Variants in FAN1 observed in about 807,000 individuals in gnomAD.
The protein encoded by FAN1 is FANCD2 and FANCI associated nuclease 1, also known as fanconi-associated nuclease 1.
In FAN1, 91 loss-of-function variants were observed where a neutral mutation model predicts 104.9. The observed-to-expected ratio is 0.87, with a 90% CI of 0.73 to 1.03. FAN1 has a LOEUF of 1.03. Among genes scored for constraint, FAN1 ranks in the 50% least tolerant of loss-of-function variants. The pLI is 0.00. For synonymous variants in FAN1, 478 were observed against 457.6 expected (o/e 1.04, Z -0.57); for missense variants, 1,263 against 1,239.9 (o/e 1.02, Z -0.28).
intron 12 of FAN1, among the ~76,000 whole-genome samples, chr15:30,929,990 TATC>T (rs556632719): frequency 1.9e-3 from 248 of 132,104 alleles, no homozygotes; most frequent in African/African-American, 3.4e-3. Flanking sequence ...ATATATAAGA[TATC>T]ATATATAATA....
chr15:30,905,935 C>A, intron 2 of FAN1, 38 bp downstream of exon 2: 1 of 1,567,546 alleles, frequency 6.4e-7, no homozygotes, highest in Non-Finnish European at 8.7e-7. Context: ...GTTTTCATTC[C>A]CCTTTTGCTG....
intron 8 of FAN1, among the ~76,000 whole-genome samples, chr15:30,923,838 G>T (rs1438971209): frequency 2.0e-5 from 3 of 151,602 alleles, no homozygotes; most frequent in African/African-American, 7.3e-5. Flanking sequence ...TGTTTCTATT[G>T]TGGTAAAATA....
At position 30,942,902 on chromosome 15, in the gene FAN1, A is replaced by G; in HGVS notation, c.*1340A>G. 6.4e-7 allele frequency: 1 copy of G among 1,563,766 alleles called. No individual in the cohort carries two copies. The highest frequency in any genetic ancestry group is 1.3e-5 in the African/African-American group (1 of 74,126). On this transcript the variant is annotated 3_prime_UTR_variant, in exon 15 of 15. Transcript: ENST00000362065. The stretch of plus-strand genomic sequence containing the variant: ...AGCTGTGATTTACCTTTGTCCGTTT[A>G]AAAGACTTCACGGAGCCATTCTGTA...
chr15:30,915,593 A>AC (rs1359521686), intron 5 of FAN1, among the ~76,000 whole-genome samples: 2 of 152,022 alleles, frequency 1.3e-5, no homozygotes, highest in Admixed American at 6.6e-5. Flanking sequence ...ACATAATGAG[A>AC]CCCCATCTCT....
At position 30,942,032 on chromosome 15, in the gene FAN1, A is replaced by T; in HGVS notation, c.*470A>T. On this transcript the variant is annotated 3_prime_UTR_variant, in exon 15 of 15. Transcript: ENST00000362065. The stretch of plus-strand genomic sequence containing the variant: ...TTGGTCACTGATGATTCCATTCTTT[A>T]AGGCAGACGGCATTCCTCTTAGTGT... 1.9e-6 allele frequency: 3 copies of T among 1,613,962 alleles called. No homozygotes were observed. Among genetic ancestry groups the T allele is most frequent in the Non-Finnish European group, 2.5e-6 (3 of 1,179,864 alleles).
intron 13 of FAN1, among the ~76,000 whole-genome samples, chr15:30,931,481 A>T (rs138189480): frequency 2.0e-5 from 3 of 152,190 alleles, no homozygotes; most frequent in Admixed American, 6.5e-5. Flanking sequence ...TTGGTGTCAC[A>T]TGTCAGAAAT....
chr15:30,915,283 G>A (rs953501537), intron 5 of FAN1, among the ~76,000 whole-genome samples: 1 of 152,150 alleles, frequency 6.6e-6, no homozygotes, highest in African/African-American at 2.4e-5. Flanking sequence ...GTAGAATAGT[G>A]GTTACCAGAG....
At chr15:30,913,315 C>A (rs541143589) in intron 4 of FAN1, among the ~76,000 whole-genome samples, 4 of 152,146 alleles carry the variant, frequency 2.6e-5, no homozygotes, top group African/African-American at 9.7e-5. Flanking sequence ...CCTCCCTCAA[C>A]CCCAGTCCAT....
intron 14 of FAN1, chr15:30,940,276 A>ACTT: frequency 2.2e-6 from 1 of 456,838 alleles, no homozygotes; most frequent in Non-Finnish European, 2.7e-6. Flanking sequence ...GTTTGGAAAT[A>ACTT]CTTTACTTTA....
intron 10 of FAN1, 79 bp downstream of exon 10, chr15:30,926,018 G>C (rs2062453997): frequency 7.1e-7 from 1 of 1,409,192 alleles, no homozygotes. Context: ...TCAGCAGTGG[G>C]CTGCTGTCCT....
At position 30,941,845 on chromosome 15, in the gene FAN1, G is replaced by A. The variant is rs757424602; in HGVS notation, c.*283G>A. On this transcript the variant is annotated 3_prime_UTR_variant, in exon 15 of 15. Transcript: ENST00000362065. ...AGTAGCACAGTTTCCACAGTTTTAT[G>A]TGTGTTCCAGAGACACGTGGCAGAA... 1.2e-6 allele frequency: 2 copies of A among 1,613,946 alleles called. No homozygotes were observed. Among genetic ancestry groups the A allele is most frequent in the African/African-American group, 2.7e-5 (2 of 74,932 alleles).
intron 9 of FAN1, 59 bp downstream of exon 9, chr15:30,925,350 C>G: frequency 6.8e-7 from 1 of 1,469,684 alleles, no homozygotes; most frequent in Non-Finnish European, 9.3e-7. Context: ...TTTTTTTGGA[C>G]CAGAAGCATC....
Position 30,904,942 on chromosome 15 carries a change from C to T in FAN1, c.279C>T (p.Thr93=), listed in dbSNP as rs749562915. ...CTATGGTAGATTTAACCAGTGTTACCTTAGAAGATGTAACACCTAAGAAGT... is the reference window on the plus strand; with the variant it reads ...CTATGGTAGATTTAACCAGTGTTACTTTAGAAGATGTAACACCTAAGAAGT... ...NVSMVDLTSV[T]LEDVTPKKSP... The change falls in exon 2 of 15, where the codon ACC becomes ACT. Residue 93 remains threonine, a synonymous_variant. Transcript: ENST00000362065. 5.9e-5 allele frequency: 95 copies of T among 1,613,886 alleles called. No individual in the cohort carries two copies. Among genetic ancestry groups the T allele is most frequent in the South Asian group, 2.0e-4 (18 of 91,082 alleles).
At chr15:30,941,473 G>A in intron 14 of FAN1, 93 bp from the exon 15 acceptor site, 1 of 1,602,146 alleles carries the variant, frequency 6.2e-7, no homozygotes, top group Non-Finnish European at 8.5e-7. Context: ...CCCTATTTTA[G>A]TCTTCATTTG....
At chr15:30,937,468 T>C (rs1219056233) in intron 14 of FAN1, among the ~76,000 whole-genome samples, 25 of 146,724 alleles carry the variant, frequency 1.7e-4, no homozygotes, top group African/African-American at 6.1e-4. Flanking sequence ...TTTTTTTTTT[T>C]TGAGACAGAG....
chr15:30,922,085 C>A, intron 7 of FAN1, 150 bp from the exon 8 acceptor site: 1 of 980,366 alleles, frequency 1.0e-6, no homozygotes, highest in Non-Finnish European at 1.5e-6. Flanking sequence ...CTCAAAGTCC[C>A]TGTCCTGTCA....
intron 10 of FAN1, chr15:30,927,589 C>T (rs763318545): frequency 1.7e-4 from 169 of 985,436 alleles, no homozygotes; most frequent in Non-Finnish European, 2.0e-4. Context: ...TGTGGTACCA[C>T]GCAGATGGGT....
chr15:30,928,600 C>A lies in FAN1; in HGVS notation c.2536C>A (p.Leu846Met). 2 of 1,613,046 alleles carry A rather than the reference C, an allele frequency of 1.2e-6. No homozygotes were observed. The highest frequency in any genetic ancestry group is 1.7e-6 in the Non-Finnish European group (2 of 1,179,824). Residue 846 changes from leucine (L) to methionine (M), a missense_variant, in exon 11 of 15, where the codon CTG becomes ATG. Coordinates refer to ENST00000362065, the MANE Select transcript of FAN1 (RefSeq NM_014967.5). ...STFSTLYGLL[L>M]WDIIFMDGIP... ...CTTCAGCACCCTGTATGGCCTCCTC[C>A]TGTGGGACATCATCTTCATGGATGG... is the stretch of plus-strand genomic sequence containing the variant.
At chr15:30,939,639 T>C (rs2062971197) in intron 14 of FAN1, 1 of 902,188 alleles carries the variant, frequency 1.1e-6, no homozygotes, top group African/African-American at 2.1e-5. Context: ...TTAACAACAA[T>C]AAAATACTAC....
Sources: gnomAD v4.1 joint callset for allele counts (sites outside exome capture counted in the v4.1 genomes callset) on GRCh38, gnomAD v4.1.1 for gene constraint, MANE v1.5 for transcripts, NCBI Gene and HGNC (gene_info 2026-07-23, HGNC 2026-07-21) for gene names.